Variants in NADK observed in about 807,000 individuals in gnomAD.
The protein encoded by NADK is poly(P)/ATP NAD kinase.
In NADK, 22 loss-of-function variants were observed where a neutral mutation model predicts 49.8. The ratio of observed to expected loss-of-function variants is 0.44; its 90% CI spans 0.32 to 0.63. The LOEUF is 0.63. Ranked by LOEUF, NADK falls within the 30% of genes least tolerant of loss-of-function variation. The pLI, the probability that NADK is intolerant of heterozygous loss-of-function variation, is 0.06. For synonymous variants in NADK, 268 were observed against 253.7 expected (o/e 1.06, Z -0.54); for missense variants, 438 against 609.4 (o/e 0.72, Z 2.96).
At chr1:1,768,350 C>A (rs1274904076) in intron 1 of NADK, among the ~76,000 whole-genome samples, 1 of 151,864 alleles carries the variant, frequency 6.6e-6, no homozygotes, top group Non-Finnish European at 1.5e-5. Flanking sequence ...ACAGCCTGGG[C>A]AACATAGCAG....
Position 1,765,330 on chromosome 1 carries a change from C to T in NADK, c.77G>A (p.Cys26Tyr). The change falls in exon 2 of 12, where the codon TGC (cysteine) becomes TAC (tyrosine). Residue 26 changes from cysteine to tyrosine, a missense_variant. Transcript: ENST00000341426. The stretch of plus-strand genomic sequence containing the variant: ...GTAACTCCAGGTCTCATCGCCGTGG[C>T]AGGCCGAGCAGCAGTAAGCAGCCGC... The part of the protein sequence containing the change: ...PDAAAYCCSA[C>Y]HGDETWSYNH... 6.2e-7 allele frequency: 1 copy of T among 1,613,620 alleles called. No homozygotes were observed. The highest frequency in any genetic ancestry group is 1.1e-5 in the South Asian group (1 of 91,032).
chr1:1,780,390 C>G (rs555341679), upstream of NADK: 1 of 152,248 alleles, frequency 6.6e-6, no homozygotes, highest in African/African-American at 2.4e-5. Context: ...GGTCACACAG[C>G]AGGTGCCCTT....
At chr1:1,763,115 CCT>C (rs1298938967) in intron 2 of NADK, among the ~76,000 whole-genome samples, 1 of 152,258 alleles carries the variant, frequency 6.6e-6, no homozygotes, top group Middle Eastern at 3.2e-3. Flanking sequence ...GCCGTGGTGC[CCT>C]GAGGGCTGCT....
At chr1:1,765,037 C>A (rs1158752985) in intron 2 of NADK, among the ~76,000 whole-genome samples, 191 bp downstream of exon 2, 1 of 152,246 alleles carries the variant, frequency 6.6e-6, no homozygotes, top group Non-Finnish European at 1.5e-5. Flanking sequence ...CACCTGGGAA[C>A]GTGCGCCAGG....
rs1292948153 is a variant in NADK at position 1,778,129 on chromosome 1, G to A, written c.-41+160C>T. Among the ~76,000 whole-genome samples, 1 of 152,214 alleles carries A rather than the reference G, an allele frequency of 6.6e-6. No homozygotes were observed. The highest frequency in any genetic ancestry group is 1.5e-5 in the Non-Finnish European group (1 of 68,030). ...TGGGCCGTGCTGGTGCCCCATTCGG[G>A]ACGGAGCGGTGGCCCGTCAGCACTT... On this transcript the variant is annotated intron_variant, in intron 1 of 11. Coordinates refer to ENST00000341426, the MANE Select transcript of NADK (RefSeq NM_023018.5). The surrounding 1 kb of genome is among the most constrained non-coding windows in gnomAD (Gnocchi z 4.9).
chr1:1,752,960 C>G lies in NADK; in HGVS notation c.1285G>C (p.Val429Leu), dbSNP rs760542689. 7.5e-6 allele frequency: 12 copies of G among 1,599,274 alleles called. No homozygotes were observed. Among genetic ancestry groups the G allele is most frequent in the Middle Eastern group, 1.6e-4 (1 of 6,074 alleles). Residue 429 changes from valine (V) to leucine (L), a missense_variant, in exon 12 of 12, where the codon GTC (valine) becomes CTC (leucine). By Grantham distance (32) the Val-to-Leu change is conservative (BLOSUM62 1). Coordinates refer to ENST00000341426, the MANE Select transcript of NADK (RefSeq NM_023018.5). ...TCGAAGTGGGCTTGCTTCTTCCGGACGTTCCAATGCAGGCACTGGGCGAGG... is the reference window on the plus strand; with the variant it reads ...TCGAAGTGGGCTTGCTTCTTCCGGAGGTTCCAATGCAGGCACTGGGCGAGG... ...ESLAQCLHWN[V>L]RKKQAHFEEE...
intron 1 of NADK, among the ~76,000 whole-genome samples, chr1:1,774,293 C>T (rs1000417048): frequency 6.6e-5 from 10 of 151,894 alleles, no homozygotes; most frequent in Non-Finnish European, 1.2e-4. Context: ...TGCAGTGGCG[C>T]GATCTCGGCT....
rs780329303 is a variant in NADK at position 1,765,305 on chromosome 1, G to T, written c.102C>A (p.Tyr34Ter). Residue 34 changes from tyrosine to a stop codon, truncating the protein, a stop_gained, in exon 2 of 12, where the codon TAC (tyrosine) becomes TAA (stop). Transcript: ENST00000341426. LOFTEE classifies it high-confidence loss of function. ...TGGCCCGGCCCCGGATGGGGTGGTT[G>T]TAACTCCAGGTCTCATCGCCGTGGC... ...SACHGDETWS[Y>*]NHPIRGRAKS... is the part of the protein sequence containing the mutation. 6 of 1,613,400 alleles carry T rather than the reference G, an allele frequency of 3.7e-6. No homozygotes were observed. In the Admixed American group the frequency reaches 5.0e-5, roughly 13 times the overall value.
intron 1 of NADK, among the ~76,000 whole-genome samples, chr1:1,774,457 G>A (rs910150490): frequency 3.3e-5 from 5 of 152,126 alleles, no homozygotes; most frequent in African/African-American, 1.2e-4. Context: ...GTTTCTCCAT[G>A]TTGGTCAGGC....
Position 1,752,859 on chromosome 1 carries a change from G to T in NADK, c.*45C>A, listed in dbSNP as rs375280826. 7 of 1,589,024 alleles carry T rather than the reference G, an allele frequency of 4.4e-6. No individual in the cohort carries two copies. Among genetic ancestry groups the T allele is most frequent in the Non-Finnish European group, 6.0e-6 (7 of 1,164,980 alleles). On this transcript the variant is annotated 3_prime_UTR_variant, in exon 12 of 12. Coordinates refer to ENST00000341426, the MANE Select transcript of NADK (RefSeq NM_023018.5). ...GCAGATTGGTCTGTCCCCAGAGGGC[G>T]CTTGGAGGGCAGCGGAAGGATTCGG...
chr1:1,762,124 G>A (rs1645743646), intron 2 of NADK, 89 bp from the exon 3 acceptor site: 3 of 1,107,432 alleles, frequency 2.7e-6, no homozygotes, highest in African/African-American at 1.5e-5. Context: ...TACACGGTAA[G>A]GCATACATGC....
upstream of NADK, chr1:1,779,985 C>T (rs1456800409): frequency 1.3e-5 from 2 of 152,416 alleles, no homozygotes; most frequent in East Asian, 3.9e-4. Flanking sequence ...AAAAACACAG[C>T]TCTTCAGTTC....
At position 1,751,401 on chromosome 1, in the gene NADK, CCTT is replaced by C. The variant is rs1168070864; in HGVS notation, c.*1500_*1502del. ...ACGCTGCTTTAGAGGTCAGTTCACA[CCTT>C]CTGTGTTCAGATGAGCGGCTGGAAT... On this transcript the variant is annotated 3_prime_UTR_variant, in exon 12 of 12. Transcript: ENST00000341426. 1 of 85,022 alleles carries C rather than the reference CCTT, an allele frequency of 1.2e-5. No homozygotes were observed. Among genetic ancestry groups the C allele is most frequent in the African/African-American group, 4.2e-5 (1 of 23,980 alleles). The allele number at this position is 85,022 out of a possible 1,614,324, so 5.3% of individuals were successfully genotyped here.
At chr1:1,767,672 A>G (rs1044768099) in intron 1 of NADK, among the ~76,000 whole-genome samples, 10 of 152,038 alleles carry the variant, frequency 6.6e-5, no homozygotes, top group African/African-American at 2.2e-4. Flanking sequence ...GTCCTCCCCA[A>G]ATTTATTTTT....
chr1:1,780,472 G>C (rs2100410956), upstream of NADK: 1 of 152,284 alleles, frequency 6.6e-6, no homozygotes, highest in Non-Finnish European at 1.5e-5. Context: ...GTCTACCCTG[G>C]GCCTGGGCAC....
At chr1:1,758,405 C>T (rs1286958491) in intron 3 of NADK, 46 of 1,611,622 alleles carry the variant, frequency 2.9e-5, no homozygotes, top group Non-Finnish European at 3.7e-5. Context: ...TCACTCATGC[C>T]ATCCCCTATG....
intron 3 of NADK, chr1:1,759,186 C>G (rs1267925452): frequency 1.3e-6 from 2 of 1,570,260 alleles, no homozygotes; most frequent in Non-Finnish European, 1.7e-6. Flanking sequence ...TACACCGGCC[C>G]AGGCACCCAC....
rs753938300 is a variant in NADK at position 1,759,751 on chromosome 1, CTG to C, written c.263+2199_263+2200del. On this transcript the variant is annotated intron_variant, in intron 3 of 11. Coordinates refer to ENST00000341426, the MANE Select transcript of NADK (RefSeq NM_023018.5). ...AAACCCACCGCTTCCTCCTGCGGGGCTGTCTGGCCTCGGGCAGCTCGGGGACC... is the reference window on the plus strand; with the variant it reads ...AAACCCACCGCTTCCTCCTGCGGGGCTCTGGCCTCGGGCAGCTCGGGGACC... 7 of 1,555,268 alleles carry C rather than the reference CTG, an allele frequency of 4.5e-6. No homozygotes were observed. The East Asian group carries it at 1.2e-4, about 27-fold the overall frequency.
intron 1 of NADK, among the ~76,000 whole-genome samples, chr1:1,777,334 G>A (rs1646241060): frequency 6.6e-6 from 1 of 152,134 alleles, no homozygotes; most frequent in African/African-American, 2.4e-5. Flanking sequence ...AGTACTTGAA[G>A]GGAATTATCT....
Sources: gnomAD v4.1 joint callset for allele counts (sites outside exome capture counted in the v4.1 genomes callset) on GRCh38, gnomAD v4.1.1 for gene constraint, Gnocchi (gnomAD v3.1) non-coding constraint, MANE v1.5 for transcripts, NCBI Gene and HGNC (gene_info 2026-07-23, HGNC 2026-07-21) for gene names.